RGS6: variants seen among roughly 807,000 people sequenced by gnomAD.
The protein encoded by RGS6 is regulator of G-protein signaling 6.
RGS6 carries 30 observed loss-of-function variants against 78.5 expected under a neutral mutation model. That is an observed-to-expected ratio of 0.38 (90% CI 0.29 to 0.52). RGS6 has a LOEUF of 0.52. RGS6 is among the 20% of genes least tolerant of loss of function. The pLI is 0.85. For missense variants in RGS6, 495 were observed against 609.7 expected, an observed-to-expected ratio of 0.81 and a Z score of 1.98; for synonymous variants, 206 against 206.0, an observed-to-expected ratio of 1.00 and a Z score of 0.00.
At chr14:71,994,592 T>C (rs1025458205) in intron 2 of RGS6, among the ~76,000 whole-genome samples, 2 of 151,914 alleles carry the variant, frequency 1.3e-5, no homozygotes, top group African/African-American at 2.4e-5. Flanking sequence ...TACTTTGAAA[T>C]ATGATTGTTG....
chr14:72,406,851 A>G (rs1380171761), intron 3 of RGS6, among the ~76,000 whole-genome samples: 1 of 152,202 alleles, frequency 6.6e-6, no homozygotes, highest in Non-Finnish European at 1.5e-5. Flanking sequence ...GTATTCAGTA[A>G]GGAGAATGAA....
At chr14:72,324,888 G>T (rs1218718911) in intron 2 of RGS6, among the ~76,000 whole-genome samples, 1 of 152,156 alleles carries the variant, frequency 6.6e-6, no homozygotes, top group African/African-American at 2.4e-5. Flanking sequence ...GGATGGCTGG[G>T]TCAAATGGTA....
chr14:72,553,856 C>T (rs2097537612), intron 17 of RGS6, among the ~76,000 whole-genome samples: 1 of 152,238 alleles, frequency 6.6e-6, no homozygotes, highest in Admixed American at 6.5e-5. Flanking sequence ...CTACACACTA[C>T]ACCATCAGGG....
chr14:72,325,413 C>T lies in RGS6; in HGVS notation c.85-26682C>T, dbSNP rs181250760. Reference sequence around the variant, plus strand: ...TTGCCGTTGCTTTTGGTGTTTTAGTCATGAAGTCCTTGCCCATGCCTATGT... The same window carrying T: ...TTGCCGTTGCTTTTGGTGTTTTAGTTATGAAGTCCTTGCCCATGCCTATGT... On this transcript the variant is annotated intron_variant, in intron 2 of 17. Coordinates refer to ENST00000553525, the MANE Select transcript of RGS6 (RefSeq NM_001204424.2). 4.7e-3 allele frequency among the ~76,000 whole-genome samples: 714 copies of T among 152,266 alleles called. 2 individuals are homozygous for T. Among genetic ancestry groups the T allele is most frequent in the Non-Finnish European group, 8.2e-3 (556 of 68,010 alleles).
intron 2 of RGS6, among the ~76,000 whole-genome samples, chr14:72,049,939 C>T (rs1024277069): frequency 6.6e-6 from 1 of 152,030 alleles, no homozygotes; most frequent in African/African-American, 2.4e-5. Context: ...TAAATATATA[C>T]ATATATATAG....
intron 3 of RGS6, among the ~76,000 whole-genome samples, chr14:72,405,601 T>A (rs568562887): frequency 3.9e-5 from 6 of 152,284 alleles, no homozygotes; most frequent in Admixed American, 3.9e-4. Flanking sequence ...ACATATATAA[T>A]CTTTATATAT....
intron 2 of RGS6, among the ~76,000 whole-genome samples, chr14:72,276,585 G>A (rs980363757): frequency 1.3e-5 from 2 of 152,158 alleles, no homozygotes; most frequent in South Asian, 2.1e-4. Context: ...GAGGGACCTG[G>A]TGGGAGATAA....
At chr14:71,968,813 T>C (rs1307193031) in intron 2 of RGS6, among the ~76,000 whole-genome samples, 1 of 152,244 alleles carries the variant, frequency 6.6e-6, no homozygotes, top group Admixed American at 6.5e-5. Context: ...CTTGGATTAA[T>C]GTCTCACTTT....
intron 2 of RGS6, among the ~76,000 whole-genome samples, chr14:72,230,920 C>T (rs2049398908): frequency 6.6e-6 from 1 of 152,148 alleles, no homozygotes; most frequent in South Asian, 2.1e-4. Flanking sequence ...CAAGTTAACA[C>T]ATACATTGGA....
At chr14:72,298,512 A>G (rs536066195) in intron 2 of RGS6, among the ~76,000 whole-genome samples, 2 of 132,938 alleles carry the variant, frequency 1.5e-5, no homozygotes, top group Admixed American at 9.6e-5. Flanking sequence ...CAATGGTGCC[A>G]TCTCAGCTCA....
intron 2 of RGS6, among the ~76,000 whole-genome samples, chr14:71,969,578 T>G (rs760283815): frequency 2.2e-4 from 34 of 152,346 alleles, no homozygotes; most frequent in Middle Eastern, 3.4e-3. Context: ...GTGGAGAACT[T>G]CACTTTCCTG....
the RGS6 span, among the ~76,000 whole-genome samples, chr14:72,578,014 C>T: frequency 1.3e-5 from 2 of 152,210 alleles, no homozygotes; most frequent in East Asian, 3.8e-4. Flanking sequence ...CCTCTCCCTC[C>T]TTGACCTCTA....
the RGS6 span, chr14:72,620,063 A>G: frequency 5.0e-6 from 7 of 1,412,520 alleles, no homozygotes; most frequent in Non-Finnish European, 6.6e-6. Flanking sequence ...CTTACCCATC[A>G]GCCTTATTTC....
chr14:72,238,909 G>A (rs760962376), intron 2 of RGS6, among the ~76,000 whole-genome samples: 5 of 152,140 alleles, frequency 3.3e-5, no homozygotes, highest in Admixed American at 6.5e-5. Context: ...TAGGCAGCCC[G>A]GTTGTTACCA....
intron 3 of RGS6, among the ~76,000 whole-genome samples, chr14:72,388,062 C>G (rs1221441624): frequency 6.6e-6 from 1 of 152,142 alleles, no homozygotes; most frequent in African/African-American, 2.4e-5. Context: ...CAGTCACATT[C>G]TGAGGTACAT....
At chr14:72,410,504 C>G (rs182573347) in intron 3 of RGS6, among the ~76,000 whole-genome samples, 11 of 152,094 alleles carry the variant, frequency 7.2e-5, no homozygotes, top group African/African-American at 2.4e-4. Flanking sequence ...AACATTTTCT[C>G]CCATTCTGTA....
intron 17 of RGS6, chr14:72,540,648 T>TA (rs1223404335): frequency 7.1e-7 from 1 of 1,410,236 alleles, no homozygotes; most frequent in African/African-American, 1.4e-5. Flanking sequence ...GCGTGTGTGT[T>TA]AGTCGCCTCT....
chr14:71,926,592 A>C, the RGS6 span, among the ~76,000 whole-genome samples: 1 of 151,686 alleles, frequency 6.6e-6, no homozygotes, highest in African/African-American at 2.4e-5. Flanking sequence ...TCAGAAAAAA[A>C]AAAAAAAAAA....
At chr14:72,132,083 A>G (rs1416368690) in intron 2 of RGS6, among the ~76,000 whole-genome samples, 2 of 152,072 alleles carry the variant, frequency 1.3e-5, no homozygotes, top group African/African-American at 4.8e-5. Flanking sequence ...TGCTTCAGAT[A>G]TTGTCTTGTA....
Sources: allele counts gnomAD v4.1 joint callset (sites outside exome capture counted in the v4.1 genomes callset), GRCh38; gene constraint gnomAD v4.1.1; transcripts MANE v1.5; gene names NCBI Gene and HGNC (gene_info 2026-07-23, HGNC 2026-07-21).